EYS: variants seen among roughly 807,000 people sequenced by gnomAD.
EYS encodes the protein protein eyes shut homolog.
EYS carries 250 observed loss-of-function variants against 282.1 expected under a neutral mutation model. The ratio of observed to expected loss-of-function variants is 0.89; its 90% CI spans 0.80 to 0.98. EYS has a LOEUF of 0.98. Ranked by LOEUF, EYS falls within the 50% of genes least tolerant of loss-of-function variation. EYS has a pLI of 0.00. For synonymous variants in EYS, 1,355 were observed against 1,282.9 expected, an observed-to-expected ratio of 1.06 and a Z score of -1.20; for missense variants, 4,016 against 3,709.0, an observed-to-expected ratio of 1.08 and a Z score of -2.15.
chr6:65,530,872 T>C (rs1767741572), intron 2 of EYS, among the ~76,000 whole-genome samples: 1 of 152,106 alleles, frequency 6.6e-6, no homozygotes, highest in East Asian at 1.9e-4. Flanking sequence ...AAATATGAAG[T>C]CCCATATTTT....
chr6:64,427,826 T>C (rs1413451398), intron 28 of EYS, among the ~76,000 whole-genome samples: 1 of 152,124 alleles, frequency 6.6e-6, no homozygotes, highest in African/African-American at 2.4e-5. Context: ...AAGTAGGATA[T>C]GTTCTTTTCA....
intron 10 of EYS, among the ~76,000 whole-genome samples, chr6:65,339,947 A>C (rs901619419): frequency 4.0e-5 from 6 of 151,178 alleles, no homozygotes; most frequent in Admixed American, 6.6e-5. Context: ...ATAAGAAAAA[A>C]AGAGTGCAGG....
rs149510825 is a variant in EYS, at chr6:64,689,879, A to G, written c.3444-63634T>C. ...GACCTAAAACCATAAAAACGCTGGA[A>G]GAAAACCTAAGCAATACCATTCAGG... On this transcript the variant is annotated intron_variant, in intron 22 of 42. Coordinates refer to ENST00000503581, the MANE Select transcript of EYS (RefSeq NM_001142800.2). Among the ~76,000 whole-genome samples, 292 of 152,308 alleles carry G rather than the reference A, an allele frequency of 1.9e-3. 1 individual carries two copies. Among genetic ancestry groups the G allele is most frequent in the Admixed American group, 3.6e-3 (55 of 15,296 alleles).
chr6:64,468,922 A>G (rs551963772), intron 26 of EYS, among the ~76,000 whole-genome samples: 51 of 152,164 alleles, frequency 3.4e-4, no homozygotes, highest in African/African-American at 1.2e-3. Context: ...ATTTACATTT[A>G]TTCTATGTCT....
chr6:65,582,770 C>A (rs1764913771), intron 2 of EYS, among the ~76,000 whole-genome samples: 1 of 152,116 alleles, frequency 6.6e-6, no homozygotes, highest in South Asian at 2.1e-4. Context: ...TACTCCTGTA[C>A]AAACATGACA....
In EYS at chr6:63,924,252, T is replaced by C. The variant is rs151267866; in HGVS notation, c.7056-59894A>G. Among the ~76,000 whole-genome samples the C allele has an allele frequency of 4.7e-3, 721 of 152,320 alleles. 8 individuals carry two copies. Among genetic ancestry groups the C allele is most frequent in the African/African-American group, 0.017 (686 of 41,568 alleles). On this transcript the variant is annotated intron_variant, in intron 35 of 42. Transcript: ENST00000503581. Reference sequence around the variant, plus strand: ...GATTGCCATGTTACAAGCCTAAACATGACTTATGTTTTCAGGCTTATAGTG... The same window carrying C: ...GATTGCCATGTTACAAGCCTAAACACGACTTATGTTTTCAGGCTTATAGTG...
intron 31 of EYS, among the ~76,000 whole-genome samples, chr6:64,227,227 C>A (rs556085139): frequency 1.3e-5 from 2 of 151,868 alleles, no homozygotes; most frequent in African/African-American, 2.4e-5. Context: ...TGGGCTCACC[C>A]AATGTGTTTT....
chr6:64,907,153 A>C (rs1425178987), intron 16 of EYS, among the ~76,000 whole-genome samples: 1 of 152,150 alleles, frequency 6.6e-6, no homozygotes, highest in Non-Finnish European at 1.5e-5. Flanking sequence ...CCTTTGCTCT[A>C]GTGATCCCTC....
chr6:64,553,805 T>C (rs1310441393), intron 26 of EYS, among the ~76,000 whole-genome samples: 4 of 152,092 alleles, frequency 2.6e-5, no homozygotes, highest in Non-Finnish European at 4.4e-5. Context: ...AAAGAAAATG[T>C]ATTCTCCAAC....
At chr6:64,847,749 G>C (rs1277120649) in intron 19 of EYS, among the ~76,000 whole-genome samples, 1 of 151,774 alleles carries the variant, frequency 6.6e-6, no homozygotes, top group African/African-American at 2.4e-5. Flanking sequence ...TTTTGCCAAA[G>C]AAATTCCAGT....
chr6:64,447,044 G>A (rs1427300702), intron 26 of EYS, among the ~76,000 whole-genome samples: 3 of 151,546 alleles, frequency 2.0e-5, no homozygotes, highest in Admixed American at 6.6e-5. Flanking sequence ...GTATTAATTT[G>A]AGAAAAAATT....
intron 35 of EYS, among the ~76,000 whole-genome samples, chr6:63,867,390 G>A (rs922118786): frequency 1.3e-5 from 2 of 151,846 alleles, no homozygotes; most frequent in African/African-American, 4.8e-5. Context: ...TTTGGAAATT[G>A]TCCTGTAAGC....
At chr6:64,190,069 T>C (rs1403829103) in intron 31 of EYS, among the ~76,000 whole-genome samples, 1 of 152,190 alleles carries the variant, frequency 6.6e-6, no homozygotes, top group Non-Finnish European at 1.5e-5. Context: ...AGATAAACTT[T>C]CTATTCTGGT....
chr6:63,963,834 T>C (rs1766187747), intron 35 of EYS, among the ~76,000 whole-genome samples: 1 of 152,186 alleles, frequency 6.6e-6, no homozygotes, highest in African/African-American at 2.4e-5. Context: ...TAGGAAAGTA[T>C]TCATTTCTCA....
chr6:65,313,680 C>T (rs540328979), intron 11 of EYS, among the ~76,000 whole-genome samples: 1 of 152,168 alleles, frequency 6.6e-6, no homozygotes, highest in Admixed American at 6.5e-5. Flanking sequence ...GAATCTGATC[C>T]CTTCTCAGTA....
At chr6:64,968,194 TTTA>T (rs1770162950) in intron 14 of EYS, among the ~76,000 whole-genome samples, 1 of 152,182 alleles carries the variant, frequency 6.6e-6, no homozygotes, top group South Asian at 2.1e-4. Context: ...AATATGGGTA[TTTA>T]TTATTACTTA....
intron 30 of EYS, among the ~76,000 whole-genome samples, chr6:64,254,469 A>G (rs1010919289): frequency 1.3e-5 from 2 of 151,988 alleles, no homozygotes; most frequent in Admixed American, 6.6e-5. Flanking sequence ...ATTTTAGACT[A>G]TTTGGCCCAA....
chr6:65,234,908 A>G (rs1367991173), intron 12 of EYS, among the ~76,000 whole-genome samples: 1 of 152,212 alleles, frequency 6.6e-6, no homozygotes, highest in African/African-American at 2.4e-5. Context: ...AATTGGGAGT[A>G]GATTGGGTAA....
chr6:64,616,504 C>G (rs1290687921), intron 24 of EYS, among the ~76,000 whole-genome samples: 5 of 152,084 alleles, frequency 3.3e-5, no homozygotes, highest in Non-Finnish European at 7.4e-5. Flanking sequence ...AAGCCCAGGT[C>G]CTTCTACAAT....
Sources: allele counts gnomAD v4.1 joint callset (sites outside exome capture counted in the v4.1 genomes callset), GRCh38; gene constraint gnomAD v4.1.1; transcripts MANE v1.5; gene names NCBI Gene and HGNC (gene_info 2026-07-23, HGNC 2026-07-21).